HS6ST3: variants seen among roughly 807,000 people sequenced by gnomAD.
The protein encoded by HS6ST3 is heparan-sulfate 6-O-sulfotransferase 3.
A neutral mutation model predicts 36.7 loss-of-function variants in HS6ST3; 12 were observed. That is an observed-to-expected ratio of 0.33 (90% CI 0.21 to 0.53). The LOEUF (loss-of-function observed/expected upper bound fraction) is 0.53, where lower values mean the gene tolerates loss of function less well. Ranked by LOEUF, HS6ST3 falls within the 20% of genes least tolerant of loss-of-function variation. The pLI is 0.95. For missense variants in HS6ST3, 584 were observed against 640.9 expected (o/e 0.91, Z 0.96); for synonymous variants, 240 against 257.5 (o/e 0.93, Z 0.65).
intron 1 of HS6ST3, among the ~76,000 whole-genome samples, chr13:96,451,803 A>G (rs886773193): frequency 2.6e-4 from 39 of 152,320 alleles, no homozygotes; most frequent in Middle Eastern, 3.4e-3. Context: ...TTGGGATTAA[A>G]TGTACAGAAA....
chr13:96,280,067 A>G (rs919408695), intron 1 of HS6ST3, among the ~76,000 whole-genome samples: 3 of 152,082 alleles, frequency 2.0e-5, no homozygotes, highest in Admixed American at 6.6e-5. Context: ...GGTGTCCTCA[A>G]TCAGTAGCTT....
intron 1 of HS6ST3, among the ~76,000 whole-genome samples, chr13:96,325,628 A>G (rs947835432): frequency 3.9e-5 from 6 of 152,200 alleles, no homozygotes; most frequent in African/African-American, 1.4e-4. Context: ...AGACTTGAAC[A>G]TCCAAGGATT....
At chr13:96,605,254 AG>A (rs2056434662) in intron 1 of HS6ST3, among the ~76,000 whole-genome samples, 1 of 152,150 alleles carries the variant, frequency 6.6e-6, no homozygotes, top group Admixed American at 6.5e-5. Flanking sequence ...GTGAATAATA[AG>A]TAAAAATATT....
chr13:96,439,129 T>A (rs1446851481), intron 1 of HS6ST3, among the ~76,000 whole-genome samples: 1 of 151,980 alleles, frequency 6.6e-6, no homozygotes, highest in Non-Finnish European at 1.5e-5. Flanking sequence ...ATCTATTAGA[T>A]CTTATATTTG....
At chr13:96,762,959 A>G (rs1877005812) in intron 1 of HS6ST3, among the ~76,000 whole-genome samples, 1 of 152,174 alleles carries the variant, frequency 6.6e-6, no homozygotes, top group African/African-American at 2.4e-5. Flanking sequence ...GGAGCAATAC[A>G]ATAACATGAA....
intron 1 of HS6ST3, among the ~76,000 whole-genome samples, chr13:96,655,449 G>T (rs1481782875): frequency 6.6e-6 from 1 of 152,082 alleles, no homozygotes; most frequent in Non-Finnish European, 1.5e-5. Context: ...CTCAAAACTT[G>T]TGAATGGAGT....
At chr13:96,290,395 G>A (rs766257604) in intron 1 of HS6ST3, among the ~76,000 whole-genome samples, 1 of 152,110 alleles carries the variant, frequency 6.6e-6, no homozygotes, top group Non-Finnish European at 1.5e-5. Flanking sequence ...CAATTGCAGA[G>A]ATAAAAAGGC....
chr13:96,354,132 G>A (rs2055198145), intron 1 of HS6ST3, among the ~76,000 whole-genome samples: 2 of 152,142 alleles, frequency 1.3e-5, no homozygotes, highest in South Asian at 4.1e-4. Flanking sequence ...CAACCATATG[G>A]AACTGGTTAA....
intron 1 of HS6ST3, among the ~76,000 whole-genome samples, chr13:96,223,514 C>G (rs954872801): frequency 6.6e-6 from 1 of 152,134 alleles, no homozygotes; most frequent in African/African-American, 2.4e-5. Context: ...TTTCTGATGC[C>G]CCAGCCTGGG....
At chr13:96,177,843 G>A (rs1222575825) in intron 1 of HS6ST3, among the ~76,000 whole-genome samples, 3 of 151,956 alleles carry the variant, frequency 2.0e-5, no homozygotes, top group Non-Finnish European at 4.4e-5. Context: ...TACAGTATAA[G>A]AAACCAAGAG....
intron 1 of HS6ST3, among the ~76,000 whole-genome samples, chr13:96,566,094 T>C (rs181357847): frequency 4.6e-5 from 7 of 151,548 alleles, no homozygotes; most frequent in Admixed American, 3.3e-4. Flanking sequence ...TCTTTGGATT[T>C]AAATATATGC....
At chr13:96,250,413 G>A (rs117979352) in intron 1 of HS6ST3, among the ~76,000 whole-genome samples, 2,209 of 152,290 alleles carry the variant, frequency 0.015, 26 homozygotes, top group East Asian at 0.054. Flanking sequence ...TACCTGGTGG[G>A]CCTTGGATCC....
intron 1 of HS6ST3, among the ~76,000 whole-genome samples, chr13:96,690,129 C>G (rs2138444446): frequency 6.6e-6 from 1 of 152,100 alleles, no homozygotes; most frequent in African/African-American, 2.4e-5. Context: ...TTTATACCAT[C>G]CCATTCCTAC....
intron 1 of HS6ST3, among the ~76,000 whole-genome samples, chr13:96,096,018 C>T (rs951440920): frequency 2.6e-5 from 4 of 151,892 alleles, no homozygotes; most frequent in Non-Finnish European, 4.4e-5. Context: ...ATAAATGAAC[C>T]TTCAGATCTC....
intron 1 of HS6ST3, among the ~76,000 whole-genome samples, chr13:96,816,137 G>A (rs1006442047): frequency 6.6e-6 from 1 of 152,220 alleles, no homozygotes; most frequent in Non-Finnish European, 1.5e-5. Flanking sequence ...ATGCTGGAAA[G>A]CACAAAGGTG....
At chr13:96,281,341 A>G (rs938773471) in intron 1 of HS6ST3, among the ~76,000 whole-genome samples, 6 of 152,132 alleles carry the variant, frequency 3.9e-5, no homozygotes, top group Non-Finnish European at 8.8e-5. Flanking sequence ...GATTGCTTTG[A>G]GCTCTGTAAA....
intron 1 of HS6ST3, among the ~76,000 whole-genome samples, chr13:96,731,881 C>A (rs755697944): frequency 1.3e-5 from 2 of 152,054 alleles, no homozygotes; most frequent in African/African-American, 4.8e-5. Context: ...GTCTTGAACT[C>A]CTGGGCTCAA....
chr13:96,123,826 A>G (rs1034543689), intron 1 of HS6ST3, among the ~76,000 whole-genome samples: 12 of 152,124 alleles, frequency 7.9e-5, no homozygotes, highest in African/African-American at 2.7e-4. Context: ...AATTTTCACA[A>G]TGAGTGGAGG....
intron 1 of HS6ST3, among the ~76,000 whole-genome samples, chr13:96,236,518 A>G (rs966653171): frequency 6.6e-6 from 1 of 151,736 alleles, no homozygotes; most frequent in African/African-American, 2.4e-5. Flanking sequence ...CTTAGACTCC[A>G]TAGTTATCCC....
Sources: allele counts gnomAD v4.1 joint callset (sites outside exome capture counted in the v4.1 genomes callset), GRCh38; gene constraint gnomAD v4.1.1; transcripts MANE v1.5; gene names NCBI Gene and HGNC (gene_info 2026-07-23, HGNC 2026-07-21).